The following TYW1B variants were observed in gnomAD, a reference collection of about 807,000 sequenced individuals.
The protein encoded by TYW1B is S-adenosyl-L-methionine-dependent tRNA 4-demethylwyosine synthase TYW1B.
Under a neutral mutation model 86.9 loss-of-function variants are expected in TYW1B, and 73 were observed. The observed-to-expected ratio is 0.84, with a 90% CI of 0.70 to 1.02. The LOEUF (loss-of-function observed/expected upper bound fraction) is 1.02. Ranked by LOEUF, TYW1B falls within the 50% of genes least tolerant of loss-of-function variation. The pLI, the probability that TYW1B is intolerant of heterozygous loss-of-function variation, is 0.00. For synonymous variants in TYW1B, 248 were observed against 292.8 expected, an observed-to-expected ratio of 0.85 and a Z score of 1.56; for missense variants, 637 against 827.4, an observed-to-expected ratio of 0.77 and a Z score of 2.82.
chr7:72,787,856 TACA>T (rs781799985), intron 6 of TYW1B, among the ~76,000 whole-genome samples: 3 of 152,226 alleles, frequency 2.0e-5, no homozygotes, highest in Non-Finnish European at 2.9e-5. Flanking sequence ...CACTTTCATA[TACA>T]ACAACTCTAT....
chr7:72,620,969 A>C (rs1159639317), intron 12 of TYW1B, among the ~76,000 whole-genome samples: 4 of 152,226 alleles, frequency 2.6e-5, no homozygotes, highest in African/African-American at 9.6e-5. Context: ...AGTGAAAAGC[A>C]TAACCCACAC....
At chr7:72,820,830 T>G (rs1329277690) in intron 2 of TYW1B, among the ~76,000 whole-genome samples, 21 of 152,262 alleles carry the variant, frequency 1.4e-4, no homozygotes, top group African/African-American at 4.8e-4. Context: ...ATAGCAGAAG[T>G]CAATGGTGAG....
At chr7:72,623,129 TC>T (rs1812266251) in intron 12 of TYW1B, among the ~76,000 whole-genome samples, 2 of 152,214 alleles carry the variant, frequency 1.3e-5, no homozygotes, top group Non-Finnish European at 2.9e-5. Context: ...TTAGAAACCT[TC>T]CTCAAACTGG....
rs542207971 is a variant in TYW1B, at chr7:72,713,973, G to A, written c.1193-175C>T. The stretch of plus-strand genomic sequence containing the variant: ...ATTATTAAATCAGAAAAATCAGTCA[G>A]TAACCTCATTCTTAGTTTTGGTACC... On this transcript the variant is annotated intron_variant, in intron 9 of 13. Transcript: ENST00000620995. Among the ~76,000 whole-genome samples the A allele has an allele frequency of 6.0e-5, 9 of 151,066 alleles. No homozygotes were observed. In the East Asian group the frequency reaches 1.4e-3, roughly 23 times the overall value.
rs1213943091 is a variant in TYW1B at position 72,713,137 on chromosome 7, A to T, written c.1370+484T>A. Among the ~76,000 whole-genome samples the T allele has an allele frequency of 4.1e-3, 127 of 31,160 alleles. 1 individual carries two copies. The highest frequency in any genetic ancestry group is 0.016 in the Non-Finnish European group (114 of 7,102). The allele number at this position is 31,160 out of a possible 152,430, so 20.4% of individuals were successfully genotyped here. A position where few individuals can be genotyped will look rare whatever the true frequency, so the allele number is the denominator to read the frequency against. On this transcript the variant is annotated intron_variant, in intron 10 of 13. Transcript: ENST00000620995. Reference sequence around the variant, plus strand: ...AACATGGTGAAAGCCCATCTCTATTAAAAAAAAAAAAAAATTAGCTGGGCA... The same window carrying T: ...AACATGGTGAAAGCCCATCTCTATTTAAAAAAAAAAAAAATTAGCTGGGCA...
At chr7:72,803,610 ATT>A (rs1270991599) in intron 5 of TYW1B, among the ~76,000 whole-genome samples, 1 of 151,908 alleles carries the variant, frequency 6.6e-6, no homozygotes. Context: ...CGTTAGAGAG[ATT>A]TTTTTGTTTG....
chr7:72,739,012 T>A (rs1207321387), intron 8 of TYW1B, among the ~76,000 whole-genome samples: 1 of 151,976 alleles, frequency 6.6e-6, no homozygotes, highest in Admixed American at 6.6e-5. Context: ...CGTGAGCCCA[T>A]GGGTTCAAGG....
chr7:72,804,825 C>G (rs1788465693), intron 5 of TYW1B, among the ~76,000 whole-genome samples: 1 of 152,054 alleles, frequency 6.6e-6, no homozygotes, highest in Non-Finnish European at 1.5e-5. Flanking sequence ...GACAGACTAG[C>G]CCGTCTCAAA....
At chr7:72,580,779 C>T (rs571870893) in intron 13 of TYW1B, among the ~76,000 whole-genome samples, 13 of 151,930 alleles carry the variant, frequency 8.6e-5, no homozygotes, top group African/African-American at 2.7e-4. Flanking sequence ...TGAAACCCCA[C>T]TAAAATGACA....
chr7:72,723,001 T>C (rs1554457888), intron 9 of TYW1B: 7 of 698,374 alleles, frequency 1.0e-5, no homozygotes, highest in African/African-American at 1.8e-5. Flanking sequence ...GCCTTGGGAA[T>C]GGACACGGCC....
At chr7:72,580,526 A>G (rs1811128918) in intron 13 of TYW1B, among the ~76,000 whole-genome samples, 2 of 152,194 alleles carry the variant, frequency 1.3e-5, no homozygotes, top group African/African-American at 4.8e-5. Context: ...GCCTGACTTA[A>G]TAAAGCCAGG....
intron 13 of TYW1B, among the ~76,000 whole-genome samples, chr7:72,612,110 C>T: frequency 6.6e-6 from 1 of 151,826 alleles, no homozygotes; most frequent in Non-Finnish European, 1.5e-5. Context: ...CTTCTAGGTA[C>T]TTTAAATATG....
At chr7:72,750,034 C>A (rs1254062630) in intron 7 of TYW1B, among the ~76,000 whole-genome samples, 2 of 147,994 alleles carry the variant, frequency 1.4e-5, no homozygotes, top group African/African-American at 5.0e-5. Context: ...GACTACAAGA[C>A]ACGTGTCTGA....
intron 7 of TYW1B, among the ~76,000 whole-genome samples, chr7:72,747,253 A>G (rs1787412168): frequency 6.6e-6 from 1 of 152,164 alleles, no homozygotes. Context: ...AAGTCTCAAA[A>G]GATCCGATGG....
intron 7 of TYW1B, among the ~76,000 whole-genome samples, chr7:72,752,242 T>C (rs62466872): frequency 2.0e-4 from 31 of 152,096 alleles, no homozygotes; most frequent in Non-Finnish European, 3.7e-4. Context: ...GGCTGCAGGC[T>C]GGGGAGAAGG....
chr7:72,789,939 C>CTTTTTT (rs67405029), intron 6 of TYW1B, among the ~76,000 whole-genome samples: 2 of 69,168 alleles, frequency 2.9e-5, no homozygotes, highest in African/African-American at 5.3e-5. Context: ...ATAGGATTAT[C>CTTTTTT]TTTTTTTTTT....
intron 6 of TYW1B, among the ~76,000 whole-genome samples, chr7:72,793,891 AAG>A (rs1788262553): frequency 1.3e-5 from 2 of 152,166 alleles, no homozygotes; most frequent in East Asian, 1.9e-4. Flanking sequence ...CTCCCTCAAA[AAG>A]AGAGAGGCTA....
intron 10 of TYW1B, among the ~76,000 whole-genome samples, chr7:72,709,214 G>A (rs1459610102): frequency 2.6e-5 from 4 of 152,152 alleles, no homozygotes; most frequent in Admixed American, 6.6e-5. Context: ...GGATAACAAA[G>A]ACGTGCCCAC....
chr7:72,666,800 G>T (rs1408328233), intron 11 of TYW1B, among the ~76,000 whole-genome samples: 1 of 151,976 alleles, frequency 6.6e-6, no homozygotes, highest in African/African-American at 2.4e-5. Context: ...GGGAGACCGA[G>T]GCGGGTGGAT....
Sources: gnomAD v4.1 joint callset for allele counts (sites outside exome capture counted in the v4.1 genomes callset) on GRCh38, gnomAD v4.1.1 for gene constraint, MANE v1.5 for transcripts, NCBI Gene and HGNC (gene_info 2026-07-23, HGNC 2026-07-21) for gene names.